SUV39H2: variants seen among roughly 807,000 people sequenced by gnomAD.
SUV39H2 encodes histone-lysine N-methyltransferase SUV39H2.
Under a neutral mutation model 47.5 loss-of-function variants are expected in SUV39H2, and 10 were observed. The ratio of observed to expected loss-of-function variants is 0.21; its 90% CI spans 0.13 to 0.36. SUV39H2 has a LOEUF of 0.36. SUV39H2 is among the 10% of genes least tolerant of loss of function. The pLI is 1.00. For synonymous variants in SUV39H2, 159 were observed against 166.8 expected (o/e 0.95, Z 0.36); for missense variants, 266 against 487.4 (o/e 0.55, Z 4.28).
chr10:14,899,165 T>C lies in SUV39H2; in HGVS notation c.850-374T>C, dbSNP rs7899689. The C allele has an allele frequency of 3.7e-4, 262 of 699,334 alleles. No individual in the cohort carries two copies. The African/African-American group carries it at 4.0e-3, about 11-fold the overall frequency. The allele number at this position is 699,334 out of a possible 1,614,324, so 43.3% of individuals were successfully genotyped here. A position where few individuals can be genotyped will look rare whatever the true frequency, so the allele number is the denominator to read the frequency against. ...TGAGACCCCACATCTCTATAAAAAC[T>C]AAATCATTAGCTGGGCATGGCGGTA... is the stretch of plus-strand genomic sequence containing the variant. On this transcript the variant is annotated intron_variant, in intron 3 of 5. Transcript: ENST00000354919.
At chr10:14,879,879 C>G (rs138266812) in intron 1 of SUV39H2, 3 of 146,848 alleles carry the variant, frequency 2.0e-5, no homozygotes, top group African/African-American at 7.5e-5. Flanking sequence ...GAGAGATTGT[C>G]TTTCTTTTTT....
rs140608781 is a variant in SUV39H2 at position 14,896,624 on chromosome 10, A to C, written c.178-222A>C. On this transcript the variant is annotated intron_variant, in intron 2 of 5. Coordinates refer to ENST00000354919, the MANE Select transcript of SUV39H2 (RefSeq NM_001193424.2). ...AAAACTCTTTAGCCTCTTATCAAAC[A>C]TGTTATGCCACATCTAAATTCCATA... Among the ~76,000 whole-genome samples the C allele has an allele frequency of 9.3e-4, 141 of 152,322 alleles. 4 individuals carry two copies. In the East Asian group the frequency reaches 0.019, roughly 21 times the overall value.
In SUV39H2 at chr10:14,901,543, G is replaced by GTT. The variant is rs746052665; in HGVS notation, c.1126+282_1126+283insTT. Among the ~76,000 whole-genome samples, 35 of 146,416 alleles carry GTT rather than the reference G, an allele frequency of 2.4e-4. No homozygotes were observed. The East Asian group carries it at 5.6e-3, about 23-fold the overall frequency. On this transcript the variant is annotated intron_variant, in intron 5 of 5. Coordinates refer to ENST00000354919, the MANE Select transcript of SUV39H2 (RefSeq NM_001193424.2). ...ATAGCATCTTAATACTGTACTACTT[G>GTT]TCTTTTTTTTTTTTTTTAAATTGTG...
In SUV39H2 at chr10:14,901,166, A is replaced by G; in HGVS notation, c.1030A>G (p.Ile344Val). Residue 344 changes from isoleucine to valine, a missense_variant, in exon 5 of 6, where the codon ATT becomes GTT. Ile to Val is a conservative substitution (Grantham distance 29). Around this residue, in one of 4 missense-constraint regions of SUV39H2, gnomAD observed 112 missense variants for 271.9 expected, o/e 0.41. Coordinates refer to ENST00000354919, the MANE Select transcript of SUV39H2 (RefSeq NM_001193424.2). ...AAATCTTCAGGTGTTCAATGTTTTCATTGATAACCTCGATACTCGTCTTCC... is the reference window on the plus strand; with the variant it reads ...AAATCTTCAGGTGTTCAATGTTTTCGTTGATAACCTCGATACTCGTCTTCC... The part of the protein sequence containing the change: ...DPNLQVFNVF[I>V]DNLDTRLPRI... The G allele has an allele frequency of 6.2e-7, 1 of 1,613,992 alleles. No homozygotes were observed. The highest frequency in any genetic ancestry group is 8.5e-7 in the Non-Finnish European group (1 of 1,179,918).
intron 5 of SUV39H2, among the ~76,000 whole-genome samples, chr10:14,901,968 T>C (rs1462139944): frequency 6.6e-6 from 1 of 152,250 alleles, no homozygotes; most frequent in East Asian, 1.9e-4. Flanking sequence ...TAATTCTATT[T>C]GCTTTATTGT....
At chr10:14,892,940 C>T (rs1300253868) in intron 2 of SUV39H2, among the ~76,000 whole-genome samples, 4 of 151,524 alleles carry the variant, frequency 2.6e-5, no homozygotes, top group African/African-American at 9.7e-5. Flanking sequence ...CTGCCTCAGC[C>T]TCCCAAGTAG....
At position 14,886,209 on chromosome 10, in the gene SUV39H2, C is replaced by T. The variant is rs548338241; in HGVS notation, c.177+4564C>T. 2.0e-5 allele frequency among the ~76,000 whole-genome samples: 3 copies of T among 152,330 alleles called. No individual in the cohort carries two copies. In the South Asian group the frequency reaches 6.2e-4, roughly 32 times the overall value. On this transcript the variant is annotated intron_variant, in intron 2 of 5. Transcript: ENST00000354919. ...AACATATCATGCACTTTTGTGTCCCCTTTCCTCATCCATTTCCCTCTTCAG... is the reference window on the plus strand; with the variant it reads ...AACATATCATGCACTTTTGTGTCCCTTTTCCTCATCCATTTCCCTCTTCAG...
At chr10:14,899,393 C>A in intron 3 of SUV39H2, 146 bp from the exon 4 acceptor site, 1 of 838,826 alleles carries the variant, frequency 1.2e-6, no homozygotes, top group Non-Finnish European at 1.9e-6. Flanking sequence ...GCATCTGAGT[C>A]TTAGTTTGTG....
At chr10:14,894,988 CTT>C (rs1282385703) in intron 2 of SUV39H2, among the ~76,000 whole-genome samples, 2 of 152,048 alleles carry the variant, frequency 1.3e-5, no homozygotes, top group African/African-American at 2.4e-5. Flanking sequence ...GTATCTAAGA[CTT>C]AAAATGATAA....
intron 2 of SUV39H2, among the ~76,000 whole-genome samples, chr10:14,884,173 A>G (rs1833134368): frequency 6.6e-6 from 1 of 152,186 alleles, no homozygotes; most frequent in Admixed American, 6.5e-5. Context: ...ATAAGTTTTC[A>G]TGGTTCTTGG....
At chr10:14,887,254 A>G (rs1833241616) in intron 2 of SUV39H2, among the ~76,000 whole-genome samples, 1 of 152,210 alleles carries the variant, frequency 6.6e-6, no homozygotes, top group African/African-American at 2.4e-5. Flanking sequence ...TTAAAAAAAA[A>G]TAAGGATGTA....
intron 2 of SUV39H2, among the ~76,000 whole-genome samples, chr10:14,895,688 T>C (rs1458615068): frequency 6.6e-6 from 1 of 152,106 alleles, no homozygotes; most frequent in Non-Finnish European, 1.5e-5. Context: ...CTAAATAAAA[T>C]CAGCATTCTC....
chr10:14,898,381 G>A lies in SUV39H2; in HGVS notation c.849+864G>A, dbSNP rs1448708983. On this transcript the variant is annotated intron_variant, in intron 3 of 5. Transcript: ENST00000354919. ...CACACTGCTTCAAACTGAAGGGTAG[G>A]TTGAGCTGTGACTAGAAAGACACAA... The A allele has an allele frequency of 3.9e-5, 6 of 151,924 alleles. No individual in the cohort carries two copies. The South Asian group carries it at 6.3e-4, about 16-fold the overall frequency. 9.4% of individuals were successfully genotyped at this position (151,924 alleles called of 1,614,324 possible).
In SUV39H2 at chr10:14,884,703, C is replaced by G. The variant is rs138035559; in HGVS notation, c.177+3058C>G. 1.8e-3 allele frequency among the ~76,000 whole-genome samples: 279 copies of G among 152,294 alleles called. 4 individuals are homozygous for G. In the East Asian group the frequency reaches 0.046, roughly 25 times the overall value. On this transcript the variant is annotated intron_variant, in intron 2 of 5. Coordinates refer to ENST00000354919, the MANE Select transcript of SUV39H2 (RefSeq NM_001193424.2). ...AGATTTGAAGACCTTGCATCTTATTCAACTTTTCCCCATTTAACACTGTTG... is the reference window on the plus strand; with the variant it reads ...AGATTTGAAGACCTTGCATCTTATTGAACTTTTCCCCATTTAACACTGTTG...
intron 2 of SUV39H2, among the ~76,000 whole-genome samples, chr10:14,892,727 C>T (rs1316371434): frequency 6.6e-6 from 1 of 152,144 alleles, no homozygotes; most frequent in Admixed American, 6.5e-5. Context: ...TCCCTATACC[C>T]CCTAGTGACC....
chr10:14,893,094 C>T (rs1360652931), intron 2 of SUV39H2, among the ~76,000 whole-genome samples: 1 of 150,824 alleles, frequency 6.6e-6, no homozygotes, highest in Non-Finnish European at 1.5e-5. Flanking sequence ...GCTCCGCCCC[C>T]TGGGGTTCAC....
At chr10:14,894,144 A>G in intron 2 of SUV39H2, among the ~76,000 whole-genome samples, 1 of 152,048 alleles carries the variant, frequency 6.6e-6, no homozygotes, top group East Asian at 1.9e-4. Context: ...CCTGAATTGT[A>G]GCGGTCACCT....
At chr10:14,881,366 C>T in intron 1 of SUV39H2, 134 bp from the exon 2 acceptor site, 1 of 651,546 alleles carries the variant, frequency 1.5e-6, no homozygotes, top group Non-Finnish European at 2.2e-6. Context: ...AGACATGTAA[C>T]TGGTTTCTTG....
chr10:14,896,715 T>G (rs1012737362), intron 2 of SUV39H2, 131 bp from the exon 3 acceptor site: 17 of 654,676 alleles, frequency 2.6e-5, no homozygotes, highest in Non-Finnish European at 3.3e-5. Context: ...TAGGAACCTG[T>G]GACTACATGT....
Sources: gnomAD v4.1 joint callset for allele counts (sites outside exome capture counted in the v4.1 genomes callset) on GRCh38, gnomAD v4.1.1 for gene constraint, gnomAD v4.1.1 regional missense constraint, MANE v1.5 for transcripts, NCBI Gene and HGNC (gene_info 2026-07-23, HGNC 2026-07-21) for gene names.